The following TTC39B variants were observed in gnomAD, a reference collection of about 807,000 sequenced individuals.
TTC39B encodes tetratricopeptide repeat protein 39B.
In TTC39B, 92 loss-of-function variants were observed where a neutral mutation model predicts 96.6. The observed-to-expected ratio is 0.95, with a 90% CI of 0.80 to 1.13. The LOEUF (loss-of-function observed/expected upper bound fraction) is 1.13. Among genes scored for constraint, TTC39B ranks in the 50% most tolerant of loss-of-function variants. The pLI is 0.00. For synonymous variants in TTC39B, 367 were observed against 299.4 expected (o/e 1.23, Z -2.33); for missense variants, 955 against 809.3 (o/e 1.18, Z -2.18).
At chr9:15,211,509 T>A (rs1050934791) in intron 4 of TTC39B, 112 bp from the exon 5 acceptor site, 1 of 982,760 alleles carries the variant, frequency 1.0e-6, no homozygotes, top group African/African-American at 1.7e-5. Flanking sequence ...TCCTTCACCA[T>A]AATCACTGAA....
chr9:15,175,387 C>T (rs1040817399), intron 18 of TTC39B, among the ~76,000 whole-genome samples: 3 of 152,026 alleles, frequency 2.0e-5, no homozygotes, highest in Non-Finnish European at 2.9e-5. Flanking sequence ...AGTAAATCAG[C>T]GCATACGGAT....
At chr9:15,186,500 C>T (rs1215150922) in intron 15 of TTC39B, 1 of 153,066 alleles carries the variant, frequency 6.5e-6, no homozygotes, top group Non-Finnish European at 1.5e-5. Context: ...TTCACATAAA[C>T]TGTTTTGATA....
At chr9:15,197,962 G>C (rs1819271975) in intron 8 of TTC39B, among the ~76,000 whole-genome samples, 1 of 152,080 alleles carries the variant, frequency 6.6e-6, no homozygotes, top group African/African-American at 2.4e-5. Flanking sequence ...TTTGTTGAAA[G>C]CTGACACCCT....
chr9:15,278,729 T>C (rs937848929), intron 1 of TTC39B, among the ~76,000 whole-genome samples: 1 of 152,252 alleles, frequency 6.6e-6, no homozygotes, highest in Non-Finnish European at 1.5e-5. Context: ...TAAATAATCA[T>C]AAGTTCCATC....
chr9:15,205,325 T>C (rs1819783894), intron 6 of TTC39B, among the ~76,000 whole-genome samples: 1 of 152,210 alleles, frequency 6.6e-6, no homozygotes, highest in African/African-American at 2.4e-5. Context: ...TTCTTATTAT[T>C]GGGATTAGTG....
chr9:15,302,345 G>A (rs149055770), intron 1 of TTC39B, among the ~76,000 whole-genome samples: 3,196 of 150,092 alleles, frequency 0.021, 45 homozygotes, highest in Non-Finnish European at 0.032. Context: ...GGCCGGGCGC[G>A]GTGGCTCACG....
exon 11 of TTC39B, chr9:15,190,579 A>G: frequency 6.2e-7 from 1 of 1,614,140 alleles, no homozygotes. Flanking sequence ...TGTAAGTATG[A>G]AAAGCTAAGA....
intron 2 of TTC39B, among the ~76,000 whole-genome samples, chr9:15,248,572 G>T (rs1822387693): frequency 2.6e-5 from 4 of 152,108 alleles, no homozygotes; most frequent in Middle Eastern, 3.4e-3. Flanking sequence ...CCAGAGCCTG[G>T]CAAGAGCTTC....
At chr9:15,199,498 G>C (rs1427408431) in intron 8 of TTC39B, among the ~76,000 whole-genome samples, 1 of 151,974 alleles carries the variant, frequency 6.6e-6, no homozygotes, top group African/African-American at 2.4e-5. Flanking sequence ...CACTTTGGGA[G>C]GCTGAGGCGG....
intron 2 of TTC39B, among the ~76,000 whole-genome samples, chr9:15,243,658 C>G (rs914704768): frequency 3.3e-5 from 5 of 152,114 alleles, no homozygotes; most frequent in Non-Finnish European, 7.4e-5. Context: ...ACCTGTAATC[C>G]CAGTGTTTTG....
At chr9:15,180,095 A>C (rs1818167410) in intron 17 of TTC39B, among the ~76,000 whole-genome samples, 2 of 152,346 alleles carry the variant, frequency 1.3e-5, no homozygotes, top group South Asian at 4.2e-4. Flanking sequence ...TGATAAAGCT[A>C]CTAGAGTACA....
At chr9:15,252,519 A>C (rs1822600877) in intron 2 of TTC39B, among the ~76,000 whole-genome samples, 1 of 152,110 alleles carries the variant, frequency 6.6e-6, no homozygotes, top group South Asian at 2.1e-4. Flanking sequence ...GTGGTGGCTT[A>C]TGCCTGTAAT....
At chr9:15,223,129 T>A (rs1820937878) in intron 3 of TTC39B, among the ~76,000 whole-genome samples, 1 of 152,190 alleles carries the variant, frequency 6.6e-6, no homozygotes, top group Non-Finnish European at 1.5e-5. Flanking sequence ...AAATTCTAAT[T>A]CCAAGAATTT....
chr9:15,262,500 T>C (rs905262190), intron 2 of TTC39B, among the ~76,000 whole-genome samples: 1 of 152,244 alleles, frequency 6.6e-6, no homozygotes, highest in Non-Finnish European at 1.5e-5. Context: ...TTGTATGACC[T>C]ACCAGTTTTA....
intron 1 of TTC39B, among the ~76,000 whole-genome samples, chr9:15,282,938 T>C (rs931825311): frequency 6.6e-6 from 1 of 152,206 alleles, no homozygotes; most frequent in Non-Finnish European, 1.5e-5. Flanking sequence ...CAAAGTGAAC[T>C]TCATCAAACT....
At chr9:15,230,932 C>G (rs1456150052) in intron 2 of TTC39B, among the ~76,000 whole-genome samples, 1 of 151,764 alleles carries the variant, frequency 6.6e-6, no homozygotes. Context: ...TTGCAGTGAG[C>G]CAAGATTGTG....
chr9:15,230,016 A>T (rs1206386434), intron 2 of TTC39B, among the ~76,000 whole-genome samples: 1 of 152,186 alleles, frequency 6.6e-6, no homozygotes, highest in Non-Finnish European at 1.5e-5. Flanking sequence ...TTACACATTT[A>T]TTCAGGTCTT....
At chr9:15,225,716 T>C (rs143705738) in intron 3 of TTC39B, among the ~76,000 whole-genome samples, 737 of 152,366 alleles carry the variant, frequency 4.8e-3, no homozygotes, top group African/African-American at 0.017. Flanking sequence ...CATGTAACAG[T>C]GCCACCTATT....
chr9:15,183,451 A>C (rs1335621758), intron 16 of TTC39B: 2 of 346,948 alleles, frequency 5.8e-6, no homozygotes, highest in Admixed American at 9.2e-5. Flanking sequence ...GCTTTTGGTA[A>C]AATTCCTAGG....
Sources: allele counts gnomAD v4.1 joint callset (sites outside exome capture counted in the v4.1 genomes callset), GRCh38; gene constraint gnomAD v4.1.1; transcripts MANE v1.5; gene names NCBI Gene and HGNC (gene_info 2026-07-23, HGNC 2026-07-21).